The following DYNC1I1 variants were observed in gnomAD, a reference collection of about 807,000 sequenced individuals.
DYNC1I1 encodes cytoplasmic dynein 1 intermediate chain 1.
DYNC1I1 carries 43 observed loss-of-function variants against 86.6 expected under a neutral mutation model. The observed-to-expected ratio is 0.50, with a 90% CI of 0.39 to 0.64. The LOEUF is 0.64. Ranked by LOEUF, DYNC1I1 falls within the 30% of genes least tolerant of loss-of-function variation. The pLI, the probability that DYNC1I1 is intolerant of heterozygous loss-of-function variation, is 0.00. For synonymous variants in DYNC1I1, 262 were observed against 283.7 expected, an observed-to-expected ratio of 0.92 and a Z score of 0.77; for missense variants, 604 against 788.8, an observed-to-expected ratio of 0.77 and a Z score of 2.81.
At chr7:96,100,503 A>G (rs1384797558), downstream of DYNC1I1, among the ~76,000 whole-genome samples, 1 of 152,144 alleles carries the variant, frequency 6.6e-6, no homozygotes, top group Non-Finnish European at 1.5e-5. Flanking sequence ...TTATAAAAGA[A>G]CAAAGAAACT....
chr7:96,058,674 G>A (rs761211532), intron 14 of DYNC1I1, among the ~76,000 whole-genome samples: 6 of 152,116 alleles, frequency 3.9e-5, no homozygotes, highest in South Asian at 2.1e-4. Context: ...TCACTCTGTC[G>A]CCCAGTTTGG....
intron 10 of DYNC1I1, among the ~76,000 whole-genome samples, chr7:95,999,738 G>A (rs984543789): frequency 6.6e-6 from 1 of 152,160 alleles, no homozygotes; most frequent in Non-Finnish European, 1.5e-5. Flanking sequence ...ATTCCTAGCT[G>A]ACTGCACTGC....
At position 95,996,074 on chromosome 7, in the gene DYNC1I1, G is replaced by A; in HGVS notation, c.969+1G>A. ...ACCAGAATACGTCTTCCACTGTCAG[G>A]TAGGAGTCAGCGTAGTAAAAATAAC... On this transcript the variant is annotated splice_donor_variant, in intron 10 of 16. Coordinates refer to ENST00000447467, the MANE Select transcript of DYNC1I1 (RefSeq NM_001135556.2). LOFTEE classifies it high-confidence loss of function. The A allele has an allele frequency of 6.2e-7, 1 of 1,614,020 alleles. No homozygotes were observed. The highest frequency in any genetic ancestry group is 8.5e-7 in the Non-Finnish European group (1 of 1,179,952).
At chr7:95,996,668 C>T (rs752142574) in intron 10 of DYNC1I1, among the ~76,000 whole-genome samples, 2 of 152,160 alleles carry the variant, frequency 1.3e-5, no homozygotes, top group Non-Finnish European at 2.9e-5. Context: ...CTTCTCTTCC[C>T]CTTGACACAA....
At chr7:96,050,034 C>A (rs867406724) in intron 14 of DYNC1I1, among the ~76,000 whole-genome samples, 2,003 of 139,478 alleles carry the variant, frequency 0.014, 79 homozygotes, top group African/African-American at 0.053. Context: ...AAAAAACAAA[C>A]AAACAAAAAA....
chr7:96,094,399 C>T (rs1790936996), intron 16 of DYNC1I1, among the ~76,000 whole-genome samples: 1 of 152,068 alleles, frequency 6.6e-6, no homozygotes, highest in Admixed American at 6.6e-5. Context: ...GTTCTTGAGC[C>T]TACTTTCTAG....
At chr7:96,049,419 T>A (rs1250789863) in intron 14 of DYNC1I1, among the ~76,000 whole-genome samples, 1 of 152,128 alleles carries the variant, frequency 6.6e-6, no homozygotes, top group Non-Finnish European at 1.5e-5. Context: ...CAATGAGAAT[T>A]TTCATGGAAG....
intron 11 of DYNC1I1, among the ~76,000 whole-genome samples, chr7:96,032,027 T>G (rs1167493432): frequency 1.3e-5 from 2 of 152,170 alleles, no homozygotes; most frequent in Admixed American, 6.6e-5. Flanking sequence ...TCTATACTAC[T>G]GCAAACGGTA....
intron 6 of DYNC1I1, among the ~76,000 whole-genome samples, chr7:95,970,972 C>G (rs1188366839): frequency 6.6e-6 from 1 of 152,116 alleles, no homozygotes; most frequent in African/African-American, 2.4e-5. Flanking sequence ...GTGGAATTGA[C>G]AGGACTGAGA....
At chr7:95,826,222 G>C (rs1485252864) in intron 4 of DYNC1I1, among the ~76,000 whole-genome samples, 3 of 152,198 alleles carry the variant, frequency 2.0e-5, no homozygotes, top group Non-Finnish European at 4.4e-5. Flanking sequence ...GTGTCTCATT[G>C]GACTTCAGTT....
intron 14 of DYNC1I1, among the ~76,000 whole-genome samples, chr7:96,060,483 T>C (rs1456054879): frequency 2.6e-5 from 4 of 152,224 alleles, no homozygotes; most frequent in Admixed American, 2.6e-4. Flanking sequence ...CTGCAAATTG[T>C]TTGAAAACCT....
At chr7:95,884,779 A>G (rs1790547802) in intron 6 of DYNC1I1, among the ~76,000 whole-genome samples, 1 of 148,372 alleles carries the variant, frequency 6.7e-6, no homozygotes, top group South Asian at 2.1e-4. Context: ...CACGAAAAGG[A>G]AGAAAAAAAA....
At chr7:95,880,640 CTTTTTTT>C (rs142182653) in intron 6 of DYNC1I1, among the ~76,000 whole-genome samples, 3 of 92,542 alleles carry the variant, frequency 3.2e-5, no homozygotes, top group East Asian at 2.8e-4. Context: ...CATCTTCTTA[CTTTTTTT>C]TTTTTTTTTT....
intron 5 of DYNC1I1, among the ~76,000 whole-genome samples, chr7:95,857,685 G>A (rs1321462160): frequency 1.3e-5 from 2 of 152,162 alleles, no homozygotes; most frequent in African/African-American, 2.4e-5. Context: ...ATGGATGTAA[G>A]TCCTTTCAGG....
At chr7:95,976,784 CTA>C (rs1793314735) in intron 6 of DYNC1I1, among the ~76,000 whole-genome samples, 1 of 152,090 alleles carries the variant, frequency 6.6e-6, no homozygotes. Context: ...CTTTCAAACA[CTA>C]TATAATGGAA....
chr7:96,068,092 C>A (rs975838888), intron 14 of DYNC1I1, among the ~76,000 whole-genome samples: 1 of 152,154 alleles, frequency 6.6e-6, no homozygotes, highest in Non-Finnish European at 1.5e-5. Flanking sequence ...GTGACCTCAA[C>A]CTTGCAAATT....
chr7:95,779,971 A>G (rs942888945), intron 1 of DYNC1I1, among the ~76,000 whole-genome samples: 3 of 152,114 alleles, frequency 2.0e-5, no homozygotes, highest in Admixed American at 6.6e-5. Flanking sequence ...TATTTCATTG[A>G]AGAAATGACG....
Position 95,992,108 on chromosome 7 carries a change from C to T in DYNC1I1, c.844-3840C>T, listed in dbSNP as rs183578153. 1.9e-3 allele frequency among the ~76,000 whole-genome samples: 283 copies of T among 152,258 alleles called. 2 individuals carry two copies. The highest frequency in any genetic ancestry group is 6.6e-3 in the African/African-American group (274 of 41,562). On this transcript the variant is annotated intron_variant, in intron 9 of 16. Coordinates refer to ENST00000447467, the MANE Select transcript of DYNC1I1 (RefSeq NM_001135556.2). ...CTCCTGACCTCAGGTGATCCACCCT[C>T]CTCGGCCTCCCAAAGTGCTGGGATT... is the stretch of plus-strand genomic sequence containing the variant.
chr7:96,031,531 G>A (rs1794807331), intron 11 of DYNC1I1, among the ~76,000 whole-genome samples: 1 of 152,138 alleles, frequency 6.6e-6, no homozygotes, highest in Non-Finnish European at 1.5e-5. Context: ...TTTAAGGAAG[G>A]TGTTTAAGCA....
Sources: gnomAD v4.1 joint callset for allele counts (sites outside exome capture counted in the v4.1 genomes callset) on GRCh38, gnomAD v4.1.1 for gene constraint, MANE v1.5 for transcripts, NCBI Gene and HGNC (gene_info 2026-07-23, HGNC 2026-07-21) for gene names.